The following GLDC variants were observed in gnomAD, a reference collection of about 807,000 sequenced individuals.
The protein encoded by GLDC is glycine decarboxylase.
Under a neutral mutation model 121.3 loss-of-function variants are expected in GLDC, and 104 were observed. That is an observed-to-expected ratio of 0.86 (90% CI 0.73 to 1.01). The LOEUF is 1.01. Among genes scored for constraint, GLDC ranks in the 50% least tolerant of loss-of-function variants. The pLI is 0.00. For synonymous variants in GLDC, 546 were observed against 480.6 expected, an observed-to-expected ratio of 1.14 and a Z score of -1.78; for missense variants, 1,429 against 1,306.6, an observed-to-expected ratio of 1.09 and a Z score of -1.44.
rs1046745353 is a variant in GLDC at position 6,645,661 on chromosome 9, G to A, written c.-162C>T. 7.3e-6 allele frequency: 3 copies of A among 411,730 alleles called. No individual in the cohort carries two copies. The highest frequency in any genetic ancestry group is 1.1e-5 in the Non-Finnish European group (3 of 261,016). The allele number at this position is 411,730 out of a possible 1,614,324, so 25.5% of individuals were successfully genotyped here. A position where few individuals can be genotyped will look rare whatever the true frequency, so the allele number is the denominator to read the frequency against. On this transcript the variant is annotated 5_prime_UTR_variant, in exon 1 of 25. Coordinates refer to ENST00000321612, the MANE Select transcript of GLDC (RefSeq NM_000170.3). ...ATGGACGCTCGCGGGCAATGAATGG[G>A]CGCTGCGCTCAACCAAGACACTCGC...
At chr9:6,645,022 C>G (rs1481012690) in intron 1 of GLDC, among the ~76,000 whole-genome samples, 1 of 152,198 alleles carries the variant, frequency 6.6e-6, no homozygotes, top group Non-Finnish European at 1.5e-5. Flanking sequence ...AAAATGTACA[C>G]TTTTGAGGCA....
chr9:6,594,354 T>C (rs1338768692), intron 9 of GLDC, among the ~76,000 whole-genome samples: 2 of 152,170 alleles, frequency 1.3e-5, no homozygotes, highest in Admixed American at 6.5e-5. Context: ...GAGTTCTACA[T>C]ATTAAAAATA....
intron 24 of GLDC, among the ~76,000 whole-genome samples, 197 bp downstream of exon 24, chr9:6,534,511 C>G (rs1817075146): frequency 6.6e-6 from 1 of 152,090 alleles, no homozygotes; most frequent in Non-Finnish European, 1.5e-5. Context: ...CCTATGGGTT[C>G]CCAGATCTGT....
chr9:6,602,438 G>A (rs558219464), intron 7 of GLDC, among the ~76,000 whole-genome samples: 4 of 150,938 alleles, frequency 2.7e-5, no homozygotes, highest in East Asian at 2.0e-4. Flanking sequence ...GTGCAATGGC[G>A]TGATCTCGGC....
chr9:6,632,690 G>A (rs1489021256), intron 2 of GLDC, among the ~76,000 whole-genome samples: 1 of 152,162 alleles, frequency 6.6e-6, no homozygotes, highest in Non-Finnish European at 1.5e-5. Context: ...GGTTCAGCCC[G>A]GGCCCTCACT....
At chr9:6,537,973 A>G (rs1282943975) in intron 22 of GLDC, among the ~76,000 whole-genome samples, 1 of 152,190 alleles carries the variant, frequency 6.6e-6, no homozygotes, top group African/African-American at 2.4e-5. Context: ...ACCCTTCAGC[A>G]TATATATCAT....
intron 2 of GLDC, among the ~76,000 whole-genome samples, chr9:6,628,284 C>G (rs899857350): frequency 2.0e-5 from 3 of 152,188 alleles, no homozygotes; most frequent in South Asian, 2.1e-4. Flanking sequence ...ATTGTGCCAT[C>G]CAAACCTTGG....
intron 2 of GLDC, among the ~76,000 whole-genome samples, chr9:6,635,196 T>C (rs1488412780): frequency 6.6e-6 from 1 of 152,256 alleles, no homozygotes; most frequent in Non-Finnish European, 1.5e-5. Flanking sequence ...ATCTTTATCA[T>C]CTTTTACCTC....
chr9:6,610,085 C>T (rs902651647), intron 4 of GLDC, 107 bp downstream of exon 4: 10 of 872,574 alleles, frequency 1.1e-5, no homozygotes, highest in African/African-American at 1.7e-5. Context: ...AAAAGTCATA[C>T]TCTAGAAAGC....
intron 3 of GLDC, among the ~76,000 whole-genome samples, chr9:6,613,920 G>A (rs1050534046): frequency 1.3e-5 from 2 of 152,094 alleles, no homozygotes; most frequent in Admixed American, 6.6e-5. Flanking sequence ...GGGATTACAG[G>A]TGCGTGACAC....
intron 16 of GLDC, among the ~76,000 whole-genome samples, chr9:6,559,502 T>G (rs111808918): frequency 0.041 from 2,562 of 61,896 alleles, 77 homozygotes; most frequent in African/African-American, 0.15. Flanking sequence ...GCGACAAGAG[T>G]GAAACTCCGT....
intron 15 of GLDC, among the ~76,000 whole-genome samples, chr9:6,573,292 C>T (rs952345212): frequency 1.3e-5 from 2 of 151,848 alleles, no homozygotes; most frequent in African/African-American, 4.8e-5. Context: ...GAAACCCTGT[C>T]TCTAATAAAA....
intron 3 of GLDC, 119 bp downstream of exon 3, chr9:6,620,065 G>T (rs1481009405): frequency 1.1e-5 from 11 of 959,062 alleles, no homozygotes; most frequent in Non-Finnish European, 1.9e-5. Flanking sequence ...GGACATTGGA[G>T]ACAGCACTAG....
At chr9:6,570,881 G>C (rs1472402401) in intron 15 of GLDC, among the ~76,000 whole-genome samples, 1 of 148,828 alleles carries the variant, frequency 6.7e-6, no homozygotes, top group East Asian at 1.9e-4. Context: ...AAAGTTTCTC[G>C]GGGTATGTTT....
At chr9:6,603,029 A>G (rs991250201) in intron 7 of GLDC, among the ~76,000 whole-genome samples, 7 of 152,042 alleles carry the variant, frequency 4.6e-5, no homozygotes, top group African/African-American at 1.7e-4. Flanking sequence ...AGAGTTTGAG[A>G]CCAGCCTGGC....
At position 6,622,851 on chromosome 9, in the gene GLDC, G is replaced by T. The variant is rs545448811; in HGVS notation, c.335-2532C>A. ...TAGGAAGTGAGGAGCGTCTCTGCCCGGCCGCCCATCGTCTGAGATGTGGGG... is the reference window on the plus strand; with the variant it reads ...TAGGAAGTGAGGAGCGTCTCTGCCCTGCCGCCCATCGTCTGAGATGTGGGG... On this transcript the variant is annotated intron_variant, in intron 2 of 24. Coordinates refer to ENST00000321612, the MANE Select transcript of GLDC (RefSeq NM_000170.3). The T allele has an allele frequency of 1.2e-3, 266 of 213,648 alleles. 1 individual carries two copies. The highest frequency in any genetic ancestry group is 3.6e-3 in the South Asian group (67 of 18,828). The allele number at this position is 213,648 out of a possible 1,614,324, so 13.2% of individuals were successfully genotyped here. A position where few individuals can be genotyped will look rare whatever the true frequency, so the allele number is the denominator to read the frequency against.
Position 6,550,795 on chromosome 9 carries a change from A to C in GLDC, c.2569+8T>G, listed in dbSNP as rs894742250. On this transcript the variant is annotated splice_region_variant and intron_variant, in intron 21 of 24. Transcript: ENST00000321612. The stretch of plus-strand genomic sequence containing the variant: ...CCAAAGTAATGATAGATTAAAGTTG[A>C]TACTTGCCTCTTGCACCCCTGAAAA... 1.3e-6 allele frequency: 2 copies of C among 1,571,974 alleles called. No homozygotes were observed. Among genetic ancestry groups the C allele is most frequent in the Admixed American group, 3.3e-5 (2 of 59,984 alleles).
intron 2 of GLDC, chr9:6,639,636 AATAT>A (rs1461173206): frequency 1.7e-6 from 1 of 592,870 alleles, no homozygotes; most frequent in Admixed American, 2.0e-5. Context: ...CCTAATTCTA[AATAT>A]ATATATATCT....
chr9:6,576,668 C>T (rs1818071728), intron 15 of GLDC, among the ~76,000 whole-genome samples: 2 of 152,140 alleles, frequency 1.3e-5, no homozygotes, highest in South Asian at 2.1e-4. Flanking sequence ...AGTTTCACTA[C>T]GTTGGCCAGG....
Sources: gnomAD v4.1 joint callset for allele counts (sites outside exome capture counted in the v4.1 genomes callset) on GRCh38, gnomAD v4.1.1 for gene constraint, MANE v1.5 for transcripts, NCBI Gene and HGNC (gene_info 2026-07-23, HGNC 2026-07-21) for gene names.